The following PAX3 variants were observed in gnomAD, a reference collection of about 807,000 sequenced individuals.
PAX3 encodes the protein paired box 3, also known as paired box protein Pax-3.
Under a neutral mutation model 51.6 loss-of-function variants are expected in PAX3, and 14 were observed. That is an observed-to-expected ratio of 0.27 (90% confidence interval 0.18 to 0.42). The LOEUF (loss-of-function observed/expected upper bound fraction) is 0.42, where lower values mean the gene tolerates loss of function less well. Among genes scored for constraint, PAX3 ranks in the 10% least tolerant of loss-of-function variants. The pLI, the probability that PAX3 is intolerant of heterozygous loss-of-function variation, is 1.00. For missense variants in PAX3, 540 were observed against 642.8 expected (o/e 0.84, Z 1.73); for synonymous variants, 280 against 253.4 (o/e 1.11, Z -1.00).
intron 7 of PAX3, among the ~76,000 whole-genome samples, chr2:222,213,934 G>T (rs1323293741): frequency 1.3e-5 from 2 of 152,082 alleles, no homozygotes; most frequent in Non-Finnish European, 2.9e-5. Flanking sequence ...GAACCTTATT[G>T]CTTTGACCTA....
At chr2:222,283,177 T>C (rs1450283526) in intron 4 of PAX3, among the ~76,000 whole-genome samples, 1 of 152,246 alleles carries the variant, frequency 6.6e-6, no homozygotes, top group Admixed American at 6.5e-5. Context: ...TAAGTCATCC[T>C]TTGCCAGTAT....
intron 1 of PAX3, chr2:222,298,293 C>T (rs768783861): frequency 7.0e-5 from 39 of 557,668 alleles, no homozygotes; most frequent in Non-Finnish European, 1.1e-4. Flanking sequence ...ACAAGTCTCC[C>T]CGGCTCGCCG....
chr2:222,289,982 G>A (rs897703826), intron 4 of PAX3, among the ~76,000 whole-genome samples: 6 of 152,144 alleles, frequency 3.9e-5, no homozygotes, highest in Non-Finnish European at 5.9e-5. Context: ...CTTGAATAAA[G>A]GATCCGATGC....
chr2:222,256,801 C>G (rs1338389435), intron 4 of PAX3, among the ~76,000 whole-genome samples: 1 of 152,178 alleles, frequency 6.6e-6, no homozygotes, highest in Non-Finnish European at 1.5e-5. Context: ...CAGTCATTGC[C>G]TTTGAAGAAC....
intron 7 of PAX3, among the ~76,000 whole-genome samples, chr2:222,209,995 A>T (rs372757928): frequency 1.3e-5 from 2 of 152,296 alleles, no homozygotes; most frequent in South Asian, 4.1e-4. Flanking sequence ...CTACTACACC[A>T]TTAAGCTAAA....
chr2:222,245,095 C>A (rs1402531503), intron 4 of PAX3, among the ~76,000 whole-genome samples: 1 of 152,124 alleles, frequency 6.6e-6, no homozygotes, highest in African/African-American at 2.4e-5. Flanking sequence ...TTGCAGTGAG[C>A]TGAGATCATG....
intron 4 of PAX3, among the ~76,000 whole-genome samples, chr2:222,269,994 TA>T (rs1694194504): frequency 6.6e-6 from 1 of 152,240 alleles, no homozygotes; most frequent in African/African-American, 2.4e-5. Context: ...ATTTAGATAA[TA>T]TTTTTCCATT....
At chr2:222,254,193 A>G (rs1271853975) in intron 4 of PAX3, among the ~76,000 whole-genome samples, 2 of 152,134 alleles carry the variant, frequency 1.3e-5, no homozygotes, top group East Asian at 3.9e-4. Context: ...TCAACCAGAC[A>G]TGTTAGATGG....
chr2:222,243,196 CT>C (rs1245797971), intron 4 of PAX3, among the ~76,000 whole-genome samples: 1 of 152,178 alleles, frequency 6.6e-6, no homozygotes, highest in Non-Finnish European at 1.5e-5. Context: ...AAATACTACA[CT>C]TTTTGTGCCA....
Position 222,260,596 on chromosome 2 carries a change from T to TG in PAX3, c.587-28314_587-28313insC, listed in dbSNP as rs1559292902. Among the ~76,000 whole-genome samples, 9 of 97,834 alleles carry TG rather than the reference T, an allele frequency of 9.2e-5. 1 individual carries two copies. The South Asian group carries it at 2.0e-3, about 22-fold the overall frequency. The allele number at this position is 97,834 out of a possible 152,430, so 64.2% of individuals were successfully genotyped here. A position where few individuals can be genotyped will look rare whatever the true frequency, so the allele number is the denominator to read the frequency against. On this transcript the variant is annotated intron_variant, in intron 4 of 8. Transcript: ENST00000392070. ...TTTTTTTGTTTTTTTTTTTTGTTTT[T>TG]TTTTTTTTTTTTTGAGGCAAAGTCT...
chr2:222,235,433 C>T (rs1460317535), intron 4 of PAX3, among the ~76,000 whole-genome samples: 1 of 152,222 alleles, frequency 6.6e-6, no homozygotes, highest in African/African-American at 2.4e-5. Context: ...AAATTCTCCT[C>T]TTATGACATC....
intron 4 of PAX3, among the ~76,000 whole-genome samples, chr2:222,258,770 T>C (rs967781066): frequency 6.6e-6 from 1 of 152,216 alleles, no homozygotes; most frequent in African/African-American, 2.4e-5. Context: ...CATGGAGGAC[T>C]TTCTTAATCT....
intron 7 of PAX3, among the ~76,000 whole-genome samples, chr2:222,207,870 T>G (rs1440614198): frequency 6.6e-6 from 1 of 152,106 alleles, no homozygotes; most frequent in Admixed American, 6.6e-5. Flanking sequence ...ACATTTAATA[T>G]GCACATTTAG....
At chr2:222,275,286 A>G (rs1226833675) in intron 4 of PAX3, among the ~76,000 whole-genome samples, 2 of 152,184 alleles carry the variant, frequency 1.3e-5, no homozygotes, top group Non-Finnish European at 2.9e-5. Context: ...AGATTAGTAA[A>G]TATTTTATGG....
intron 7 of PAX3, among the ~76,000 whole-genome samples, chr2:222,212,902 T>A (rs1313223726): frequency 6.6e-6 from 1 of 152,196 alleles, no homozygotes; most frequent in Admixed American, 6.6e-5. Flanking sequence ...AAAAACTTTT[T>A]ATCCTAGTTG....
Position 222,255,989 on chromosome 2 carries a change from T to A in PAX3, c.587-23706A>T, listed in dbSNP as rs1035018869. On this transcript the variant is annotated intron_variant, in intron 4 of 8. Coordinates refer to ENST00000392070, the MANE Select transcript of PAX3 (RefSeq NM_181458.4). ...TCAGCATGTGTTAGCCAGGATGGTC[T>A]CGATTTCCTGACCTCGTGATCTGCC... 3.5e-5 allele frequency among the ~76,000 whole-genome samples: 5 copies of A among 144,598 alleles called. No homozygotes were observed. In the South Asian group the frequency reaches 1.1e-3, roughly 32 times the overall value. 94.9% of individuals were successfully genotyped at this position (144,598 alleles called of 152,430 possible).
rs116485834 is a variant in PAX3 at position 222,243,140 on chromosome 2, C to T, written c.587-10857G>A. ...AAACTTTGCCAAGATTAGCATGACA[C>T]GAGATGTTTGGAAAATAAAAAAAAG... is the stretch of plus-strand genomic sequence containing the variant. On this transcript the variant is annotated intron_variant, in intron 4 of 8. Coordinates refer to ENST00000392070, the MANE Select transcript of PAX3 (RefSeq NM_181458.4). 6.8e-3 allele frequency among the ~76,000 whole-genome samples: 1,031 copies of T among 151,972 alleles called. 7 individuals are homozygous for T. Among genetic ancestry groups the T allele is most frequent in the Middle Eastern group, 0.024 (7 of 292 alleles).
At chr2:222,220,412 C>A in intron 6 of PAX3, 58 bp from the exon 7 acceptor site, 1 of 1,559,092 alleles carries the variant, frequency 6.4e-7, no homozygotes, top group South Asian at 1.1e-5. Context: ...AGAGAAAGTT[C>A]AGTGCAAAAG....
intron 4 of PAX3, among the ~76,000 whole-genome samples, chr2:222,277,057 G>A (rs554742528): frequency 1.3e-3 from 202 of 152,206 alleles, no homozygotes; most frequent in African/African-American, 4.5e-3. Context: ...ACACAGAAGC[G>A]TACCATCTCT....
Sources: allele counts gnomAD v4.1 joint callset (sites outside exome capture counted in the v4.1 genomes callset), GRCh38; gene constraint gnomAD v4.1.1; transcripts MANE v1.5; gene names NCBI Gene and HGNC (gene_info 2026-07-23, HGNC 2026-07-21).